The following IL12B variants were observed in gnomAD, a reference collection of about 807,000 sequenced individuals.
IL12B encodes the protein interleukin 12B.
A neutral mutation model predicts 39.2 loss-of-function variants in IL12B; 27 were observed. The observed-to-expected ratio is 0.69, with a 90% confidence interval of 0.51 to 0.95. The LOEUF is 0.95. Ranked by LOEUF, IL12B falls within the 40% of genes least tolerant of loss-of-function variation. IL12B has a pLI of 0.00. For synonymous variants in IL12B, 142 were observed against 152.1 expected, an observed-to-expected ratio of 0.93 and a Z score of 0.49; for missense variants, 351 against 397.6, an observed-to-expected ratio of 0.88 and a Z score of 1.00.
intron 7 of IL12B, among the ~76,000 whole-genome samples, 200 bp downstream of exon 7, chr5:159,316,485 C>T (rs564268700): frequency 9.2e-5 from 14 of 152,294 alleles, no homozygotes; most frequent in Admixed American, 7.8e-4. Flanking sequence ...CCTGCAATAT[C>T]CCTGTGGCCA....
chr5:159,326,462 A>G (rs777190417), intron 2 of IL12B, among the ~76,000 whole-genome samples: 62 of 152,220 alleles, frequency 4.1e-4, no homozygotes, highest in Non-Finnish European at 7.1e-4. Flanking sequence ...ATCATATATC[A>G]TATGTCTTTC....
At chr5:159,324,356 A>T (rs972641250) in intron 2 of IL12B, among the ~76,000 whole-genome samples, 1 of 152,184 alleles carries the variant, frequency 6.6e-6, no homozygotes, top group African/African-American at 2.4e-5. Flanking sequence ...GCAAAGCTTC[A>T]TTCATTTTTT....
intron 5 of IL12B, 99 bp from the exon 6 acceptor site, chr5:159,318,992 TC>T: frequency 9.9e-7 from 1 of 1,007,668 alleles, no homozygotes; most frequent in Non-Finnish European, 1.5e-6. Flanking sequence ...CAGCTGTGAG[TC>T]CACTGGATAG....
chr5:159,324,003 T>C (rs955902646), intron 2 of IL12B, among the ~76,000 whole-genome samples: 1 of 152,270 alleles, frequency 6.6e-6, no homozygotes, highest in South Asian at 2.1e-4. Context: ...CAGCCAACTG[T>C]ACAGAGAAAC....
intron 2 of IL12B, among the ~76,000 whole-genome samples, chr5:159,325,924 G>A (rs866565592): frequency 2.0e-5 from 3 of 152,216 alleles, no homozygotes; most frequent in Non-Finnish European, 2.9e-5. Flanking sequence ...CTAGAAGGAT[G>A]GGCAGAACTC....
intron 5 of IL12B, 54 bp from the exon 6 acceptor site, chr5:159,318,947 T>C (rs1384430323): frequency 1.3e-5 from 19 of 1,508,770 alleles, no homozygotes; most frequent in Non-Finnish European, 1.7e-5. Flanking sequence ...TGGAGTTCAG[T>C]GGTTTTGGCT....
rs1232713153 is a variant in IL12B, at chr5:159,323,306, A to G, written c.112T>C (p.Tyr38His). Residue 38 changes from tyrosine (Y) to histidine (H), a missense_variant, in exon 3 of 8, where the codon TAT becomes CAT. Coordinates refer to ENST00000231228, the MANE Select transcript of IL12B (RefSeq NM_002187.3). ...ACCATTTCTCCAGGGGCATCCGGAT[A>G]CCAATCCAATTCTACGACATAAACT... ...KDVYVVELDWYPDAPGEMVVL... is the reference protein window; with the variant it reads ...KDVYVVELDWHPDAPGEMVVL... The G allele has an allele frequency of 6.2e-7, 1 of 1,614,132 alleles. No homozygotes were observed. Among genetic ancestry groups the G allele is most frequent in the Non-Finnish European group, 8.5e-7 (1 of 1,180,000 alleles).
chr5:159,317,600 T>C (rs1002203350), intron 6 of IL12B, among the ~76,000 whole-genome samples: 16 of 152,152 alleles, frequency 1.1e-4, no homozygotes, highest in Non-Finnish European at 2.1e-4. Flanking sequence ...TCTGGGGCGG[T>C]ACAAAAGGGC....
rs1753973346 is a variant in IL12B, at chr5:159,315,471, G to A, written c.*630C>T. The A allele has an allele frequency of 6.6e-6, 1 of 152,354 alleles. No homozygotes were observed. The highest frequency in any genetic ancestry group is 2.4e-5 in the African/African-American group (1 of 41,448). The allele number at this position is 152,354 out of a possible 1,614,324, so 9.4% of individuals were successfully genotyped here. A position where few individuals can be genotyped will look rare whatever the true frequency, so the allele number is the denominator to read the frequency against. Reference sequence around the variant, plus strand: ...ATCCAAAGATTAAACTTGCTTAGAAGTGTAAGTGGCCCTAAATTGCTTTAT... The same window carrying A: ...ATCCAAAGATTAAACTTGCTTAGAAATGTAAGTGGCCCTAAATTGCTTTAT... On this transcript the variant is annotated 3_prime_UTR_variant, in exon 8 of 8. Coordinates refer to ENST00000231228, the MANE Select transcript of IL12B (RefSeq NM_002187.3).
chr5:159,325,625 G>C (rs576984527), intron 2 of IL12B: 2 of 152,112 alleles, frequency 1.3e-5, no homozygotes, highest in Non-Finnish European at 2.9e-5. Context: ...AGACAGAATT[G>C]GGATCAAGTC....
intron 2 of IL12B, among the ~76,000 whole-genome samples, chr5:159,323,699 C>T (rs926321316): frequency 6.6e-6 from 1 of 152,026 alleles, no homozygotes; most frequent in Admixed American, 6.5e-5. Flanking sequence ...ATAGAGAATA[C>T]GGCAGGGCAC....
At chr5:159,319,514 A>G (rs1055404209) in intron 5 of IL12B, among the ~76,000 whole-genome samples, 1 of 152,212 alleles carries the variant, frequency 6.6e-6, no homozygotes, top group Admixed American at 6.5e-5. Flanking sequence ...GGTCTTCTAG[A>G]TAAGAGGAGG....
At chr5:159,316,577 G>T in intron 7 of IL12B, 108 bp downstream of exon 7, 1 of 1,176,980 alleles carries the variant, frequency 8.5e-7, no homozygotes, top group Non-Finnish European at 1.2e-6. Flanking sequence ...GCAACTGGGT[G>T]CTGGCCACTC....
At chr5:159,327,908 G>A (rs1212249149) in intron 1 of IL12B, among the ~76,000 whole-genome samples, 1 of 152,144 alleles carries the variant, frequency 6.6e-6, no homozygotes, top group Non-Finnish European at 1.5e-5. Context: ...TGCCACTTAC[G>A]AATGAGGTAG....
At chr5:159,318,701 AC>A (rs1754030759) in intron 6 of IL12B, 34 bp downstream of exon 6, 1 of 1,609,594 alleles carries the variant, frequency 6.2e-7, no homozygotes, top group Non-Finnish European at 8.5e-7. Context: ...CGTAAAACTG[AC>A]CAAGGAATAT....
intron 1 of IL12B, among the ~76,000 whole-genome samples, chr5:159,329,224 A>C (rs930491620): frequency 6.6e-6 from 1 of 152,154 alleles, no homozygotes; most frequent in Non-Finnish European, 1.5e-5. Flanking sequence ...AGTTATTATT[A>C]AAGAATAAAA....
intron 2 of IL12B, among the ~76,000 whole-genome samples, chr5:159,324,186 G>T (rs193233783): frequency 6.6e-6 from 1 of 152,110 alleles, no homozygotes; most frequent in Admixed American, 6.5e-5. Context: ...ATGAAGAAGC[G>T]TACTGAGGCC....
In IL12B at chr5:159,322,408, G is replaced by C; in HGVS notation, c.468C>G (p.Val156=). The change falls in exon 4 of 8, where the codon GTC becomes GTG. Residue 156 remains valine (V), a synonymous_variant. Transcript: ENST00000231228. ...GTTTCACTCACCCTCTGCTGCTTTT[G>C]ACACTGAATGTCAAATCAGTACTGA... ...TTISTDLTFS[V]KSSRGSSDPQ... 1.9e-6 allele frequency: 3 copies of C among 1,604,726 alleles called. No homozygotes were observed. Among genetic ancestry groups the C allele is most frequent in the Non-Finnish European group, 2.6e-6 (3 of 1,171,458 alleles).
intron 5 of IL12B, among the ~76,000 whole-genome samples, 161 bp from the exon 6 acceptor site, chr5:159,319,054 G>A (rs1436104223): frequency 1.3e-5 from 2 of 152,208 alleles, no homozygotes; most frequent in Non-Finnish European, 1.5e-5. Context: ...CACCTCTGCC[G>A]CAGGTGCTCA....
Sources: gnomAD v4.1 joint callset for allele counts (sites outside exome capture counted in the v4.1 genomes callset) on GRCh38, gnomAD v4.1.1 for gene constraint, MANE v1.5 for transcripts, NCBI Gene and HGNC (gene_info 2026-07-23, HGNC 2026-07-21) for gene names.